SHISAL2A: variants seen among roughly 807,000 people sequenced by gnomAD.
SHISAL2A encodes shisa like 2A.
SHISAL2A carries 18 observed loss-of-function variants against 11.5 expected under a neutral mutation model. That is an observed-to-expected ratio of 1.57 (90% confidence interval 1.08 to 2.33). The LOEUF is 2.33. SHISAL2A is among the 30% of genes most tolerant of loss of function. The pLI, the probability that SHISAL2A is intolerant of heterozygous loss-of-function variation, is 0.00. For synonymous variants in SHISAL2A, 94 were observed against 99.6 expected (o/e 0.94, Z 0.34); for missense variants, 261 against 250.9 (o/e 1.04, Z -0.27).
intron 2 of SHISAL2A, among the ~76,000 whole-genome samples, chr1:52,644,046 G>A (rs911406553): frequency 1.3e-5 from 2 of 152,190 alleles, no homozygotes; most frequent in African/African-American, 4.8e-5. Flanking sequence ...TTTTACAGAT[G>A]AGAAAAGCAA....
exon 6 of SHISAL2A, chr1:52,668,921 C>G (rs1246384184): frequency 6.6e-6 from 1 of 152,234 alleles, no homozygotes; most frequent in African/African-American, 2.4e-5. Context: ...AGAGCTTAGT[C>G]AGGCTACCCT....
intron 1 of SHISAL2A, among the ~76,000 whole-genome samples, chr1:52,638,901 A>T (rs576699666): frequency 6.6e-6 from 1 of 152,338 alleles, no homozygotes; most frequent in African/African-American, 2.4e-5. Context: ...CAAAGAGGTA[A>T]CAGCTGTTTG....
intron 2 of SHISAL2A, among the ~76,000 whole-genome samples, chr1:52,654,021 G>T (rs1303766370): frequency 6.6e-6 from 1 of 152,150 alleles, no homozygotes; most frequent in Non-Finnish European, 1.5e-5. Context: ...CTTCTGGAAG[G>T]CTTGGCTGGC....
chr1:52,642,991 TACAG>T lies in SHISAL2A; in HGVS notation c.316_319del (p.Thr106GlnfsTer13), dbSNP rs1172037287. 3 of 1,614,010 alleles carry T rather than the reference TACAG, an allele frequency of 1.9e-6. No individual in the cohort carries two copies. The highest frequency in any genetic ancestry group is 2.5e-6 in the Non-Finnish European group (3 of 1,180,022). ...ACAAAGTTGGACCTGGGCTTGAGCT[TACAG>T]ACAGCAGGTAAGGAAGTTGCCAGGT... is the stretch of plus-strand genomic sequence containing the variant. On this transcript the variant is annotated frameshift_variant, in exon 2 of 3. Transcript: ENST00000517870. LOFTEE classifies it low-confidence loss of function (END_TRUNC).
chr1:52,637,099 C>T (rs542952628), intron 1 of SHISAL2A, among the ~76,000 whole-genome samples: 3 of 152,256 alleles, frequency 2.0e-5, no homozygotes, highest in Admixed American at 1.3e-4. Context: ...ATGCTTTCTT[C>T]GGGGGTTGGA....
intron 2 of SHISAL2A, among the ~76,000 whole-genome samples, chr1:52,647,713 C>T (rs1404311903): frequency 6.6e-6 from 1 of 151,834 alleles, no homozygotes; most frequent in Non-Finnish European, 1.5e-5. Context: ...GACATAGTGG[C>T]ACATGCCTGT....
At chr1:52,632,902 GC>G (rs980372702), upstream of SHISAL2A, among the ~76,000 whole-genome samples, 4 of 152,138 alleles carry the variant, frequency 2.6e-5, no homozygotes, top group African/African-American at 9.7e-5. Context: ...ACATCCCCGG[GC>G]CCCTGGGTTT....
At chr1:52,643,586 G>A (rs1345385499) in intron 2 of SHISAL2A, among the ~76,000 whole-genome samples, 1 of 152,178 alleles carries the variant, frequency 6.6e-6, no homozygotes, top group Non-Finnish European at 1.5e-5. Flanking sequence ...TAGGCGCGGT[G>A]GCTCACGCCT....
downstream of SHISAL2A, among the ~76,000 whole-genome samples, chr1:52,659,024 G>GGTGGTGT (rs1691853210): frequency 2.1e-5 from 3 of 144,450 alleles, no homozygotes; most frequent in Admixed American, 2.2e-4. Context: ...GTTGTTGTTG[G>GGTGGTGT]TGGTGGTGGT....
At chr1:52,657,977 G>A (rs892815329), downstream of SHISAL2A, among the ~76,000 whole-genome samples, 4 of 152,122 alleles carry the variant, frequency 2.6e-5, no homozygotes, top group African/African-American at 9.7e-5. Flanking sequence ...CCCTTGCTGG[G>A]TTATTGCAAG....
At position 52,647,700 on chromosome 1, in the gene SHISAL2A, C is replaced by T. The variant is rs141055445; in HGVS notation, c.322+4698C>T. Reference sequence around the variant, plus strand: ...TCCCTACAAAAAATACAAAAATTAGCCAGACATAGTGGCACATGCCTGTAG... The same window carrying T: ...TCCCTACAAAAAATACAAAAATTAGTCAGACATAGTGGCACATGCCTGTAG... On this transcript the variant is annotated intron_variant, in intron 2 of 2. Transcript: ENST00000517870. 1.7e-3 allele frequency among the ~76,000 whole-genome samples: 253 copies of T among 151,968 alleles called. 6 individuals are homozygous for T. In the East Asian group the frequency reaches 0.038, roughly 23 times the overall value.
intron 4 of SHISAL2A, among the ~76,000 whole-genome samples, chr1:52,666,258 C>T (rs1327524449): frequency 6.6e-6 from 1 of 152,110 alleles, no homozygotes; most frequent in Non-Finnish European, 1.5e-5. Flanking sequence ...TCAAGACCAG[C>T]CTGGACAACA....
At chr1:52,663,186 C>T (rs1691941878) in intron 4 of SHISAL2A, among the ~76,000 whole-genome samples, 1 of 152,086 alleles carries the variant, frequency 6.6e-6, no homozygotes, top group Non-Finnish European at 1.5e-5. Context: ...GATGTCCTCC[C>T]GGGCTGATCA....
exon 6 of SHISAL2A, chr1:52,669,096 A>AAAAT (rs1188725252): frequency 5.9e-5 from 9 of 152,020 alleles, no homozygotes; most frequent in African/African-American, 1.7e-4. Flanking sequence ...GGCTCAGTGT[A>AAAAT]AAATAAAACT....
At chr1:52,661,156 A>C, downstream of SHISAL2A, among the ~76,000 whole-genome samples, 1 of 152,212 alleles carries the variant, frequency 6.6e-6, no homozygotes, top group African/African-American at 2.4e-5. Context: ...CAAGTCCTGA[A>C]GCCTTTGCCA....
intron 1 of SHISAL2A, among the ~76,000 whole-genome samples, chr1:52,636,792 C>G (rs1691245131): frequency 6.6e-6 from 1 of 152,168 alleles, no homozygotes; most frequent in South Asian, 2.1e-4. Context: ...AGTGGCAGAG[C>G]TGGGTTGAAA....
At chr1:52,660,314 TC>T (rs1691878266), downstream of SHISAL2A, among the ~76,000 whole-genome samples, 1 of 152,012 alleles carries the variant, frequency 6.6e-6, no homozygotes, top group Non-Finnish European at 1.5e-5. Flanking sequence ...ATAAAGCCCC[TC>T]CCTGCCCCCC....
At chr1:52,640,145 A>G (rs1691330030) in intron 1 of SHISAL2A, 2 of 152,322 alleles carry the variant, frequency 1.3e-5, no homozygotes, top group South Asian at 4.1e-4. Context: ...GTTCCATTGC[A>G]GAGATGTCCA....
At chr1:52,642,722 C>A in intron 1 of SHISAL2A, 141 bp from the exon 2 acceptor site, 1 of 884,374 alleles carries the variant, frequency 1.1e-6, no homozygotes. Flanking sequence ...CTATGCCTGG[C>A]CTAAAATTTT....
Sources: allele counts gnomAD v4.1 joint callset (sites outside exome capture counted in the v4.1 genomes callset), GRCh38; gene constraint gnomAD v4.1.1; transcripts MANE v1.5; gene names NCBI Gene and HGNC (gene_info 2026-07-23, HGNC 2026-07-21).